MTMR3: variants seen among roughly 807,000 people sequenced by gnomAD.
MTMR3 encodes the protein myotubularin related protein 3.
MTMR3 carries 32 observed loss-of-function variants against 132.4 expected under a neutral mutation model. The observed-to-expected ratio is 0.24, with a 90% confidence interval of 0.18 to 0.32. MTMR3 has a LOEUF of 0.32. Ranked by LOEUF, MTMR3 falls within the 10% of genes least tolerant of loss-of-function variation. MTMR3 has a pLI of 1.00. For missense variants in MTMR3, 1,216 were observed against 1,489.6 expected, an observed-to-expected ratio of 0.82 and a Z score of 3.02; for synonymous variants, 556 against 550.3, an observed-to-expected ratio of 1.01 and a Z score of -0.14.
intron 1 of MTMR3, among the ~76,000 whole-genome samples, chr22:29,925,019 G>A (rs1425360022): frequency 6.6e-6 from 1 of 152,132 alleles, no homozygotes; most frequent in Non-Finnish European, 1.5e-5. Flanking sequence ...AATTTGAGAA[G>A]CATTTCCCCT....
intron 1 of MTMR3, among the ~76,000 whole-genome samples, chr22:29,908,554 G>A (rs942296430): frequency 2.0e-5 from 3 of 152,168 alleles, no homozygotes; most frequent in Non-Finnish European, 2.9e-5. Flanking sequence ...ATGGCTATAC[G>A]TTGTTCTAGG....
At chr22:29,938,829 AT>A (rs567985955) in intron 1 of MTMR3, among the ~76,000 whole-genome samples, 3 of 149,462 alleles carry the variant, frequency 2.0e-5, no homozygotes, top group Non-Finnish European at 3.0e-5. Flanking sequence ...TTATTTTATT[AT>A]TTTTTTTTTG....
At chr22:30,011,413 A>G (rs1457798361) in intron 12 of MTMR3, 2 of 152,298 alleles carry the variant, frequency 1.3e-5, no homozygotes, top group East Asian at 1.9e-4. Context: ...TCCATGCTGG[A>G]GTGCGGTGGC....
intron 6 of MTMR3, chr22:29,989,749 T>C (rs542081793): frequency 6.6e-6 from 1 of 152,296 alleles, no homozygotes; most frequent in East Asian, 1.9e-4. Context: ...ATGTCCTTCA[T>C]TGGTGATGTT....
At chr22:29,917,091 C>T (rs1219095957) in intron 1 of MTMR3, among the ~76,000 whole-genome samples, 1 of 152,172 alleles carries the variant, frequency 6.6e-6, no homozygotes, top group Non-Finnish European at 1.5e-5. Flanking sequence ...ATAATTCAAA[C>T]AGGAGGACTG....
intron 2 of MTMR3, among the ~76,000 whole-genome samples, chr22:29,967,582 C>CT (rs1264926259): frequency 6.6e-6 from 1 of 151,674 alleles, no homozygotes; most frequent in Non-Finnish European, 1.5e-5. Flanking sequence ...AAAATCCACC[C>CT]TTTTAAAGTA....
chr22:30,017,667 A>G, intron 15 of MTMR3: 1 of 412,282 alleles, frequency 2.4e-6, no homozygotes, highest in East Asian at 5.0e-5. Flanking sequence ...AATAACTATA[A>G]TGAGAAAGGG....
rs1298914970 is a variant in MTMR3 at position 30,017,915 on chromosome 22, C to T, written c.1675-12C>T. The T allele has an allele frequency of 1.9e-6, 3 of 1,612,210 alleles. No individual in the cohort carries two copies. The highest frequency in any genetic ancestry group is 2.5e-6 in the Non-Finnish European group (3 of 1,179,380). On this transcript the variant is annotated splice_polypyrimidine_tract_variant and intron_variant, in intron 15 of 19. Transcript: ENST00000401950. ...GGGGCATATTTAAACCTGTGTCCTC[C>T]CCCCTCCTCAGGTGCTGTACCCTGT...
intron 1 of MTMR3, among the ~76,000 whole-genome samples, chr22:29,938,880 G>A (rs866285742): frequency 6.6e-6 from 1 of 151,726 alleles, no homozygotes; most frequent in Non-Finnish European, 1.5e-5. Context: ...AGAGTGCAGT[G>A]TCGTGATCTC....
At chr22:29,943,769 C>T in intron 1 of MTMR3, among the ~76,000 whole-genome samples, 1 of 148,434 alleles carries the variant, frequency 6.7e-6, no homozygotes, top group African/African-American at 2.5e-5. Context: ...CTTCCCCTTC[C>T]CCACCCCCAA....
At chr22:30,023,253 G>C (rs1166556198) in intron 19 of MTMR3, 8 of 609,196 alleles carry the variant, frequency 1.3e-5, no homozygotes, top group Non-Finnish European at 2.4e-5. Flanking sequence ...GGTGTTGACT[G>C]TCTGGTGGAT....
At chr22:29,941,892 A>C (rs2065863961) in intron 1 of MTMR3, among the ~76,000 whole-genome samples, 1 of 152,200 alleles carries the variant, frequency 6.6e-6, no homozygotes, top group Admixed American at 6.5e-5. Context: ...CATGGTAGGA[A>C]GATCCCTTGA....
intron 2 of MTMR3, among the ~76,000 whole-genome samples, chr22:29,970,252 T>G (rs1486789684): frequency 1.3e-5 from 2 of 152,228 alleles, no homozygotes; most frequent in Non-Finnish European, 2.9e-5. Flanking sequence ...TTTCCTCAGA[T>G]GGGGGATCCA....
intron 6 of MTMR3, chr22:29,990,577 A>G (rs1264729207): frequency 6.6e-6 from 1 of 152,032 alleles, no homozygotes; most frequent in Non-Finnish European, 1.5e-5. Flanking sequence ...ACAAATCTTT[A>G]TTTTTATTTA....
intron 1 of MTMR3, among the ~76,000 whole-genome samples, chr22:29,908,244 G>T (rs576175716): frequency 2.2e-4 from 33 of 152,280 alleles, no homozygotes; most frequent in African/African-American, 7.9e-4. Context: ...AACTCAAGAA[G>T]CTCAATGCCA....
At chr22:30,017,826 G>T in intron 15 of MTMR3, 101 bp from the exon 16 acceptor site, 1 of 1,461,098 alleles carries the variant, frequency 6.8e-7, no homozygotes, top group Non-Finnish European at 9.5e-7. Context: ...TGTCAGCCCT[G>T]TTGGGTATTC....
At chr22:29,957,616 A>T (rs1341923758) in intron 2 of MTMR3, among the ~76,000 whole-genome samples, 3 of 152,022 alleles carry the variant, frequency 2.0e-5, no homozygotes, top group Non-Finnish European at 2.9e-5. Flanking sequence ...AGGCCTGGCT[A>T]GTTTGGAAAC....
intron 2 of MTMR3, among the ~76,000 whole-genome samples, chr22:29,964,999 A>C (rs11705207): frequency 0.1 from 15,478 of 152,120 alleles, 822 homozygotes; most frequent in Middle Eastern, 0.14. Context: ...TCTGAGGAAC[A>C]CATGCACTTC....
intron 1 of MTMR3, among the ~76,000 whole-genome samples, chr22:29,888,473 A>G (rs1359656737): frequency 2.6e-5 from 4 of 152,244 alleles, no homozygotes; most frequent in Non-Finnish European, 1.5e-5. Context: ...TAACGAAAAC[A>G]AAAAGAAAAT....
Sources: allele counts gnomAD v4.1 joint callset (sites outside exome capture counted in the v4.1 genomes callset), GRCh38; gene constraint gnomAD v4.1.1; transcripts MANE v1.5; gene names NCBI Gene and HGNC (gene_info 2026-07-23, HGNC 2026-07-21).